Variants in PTPRR observed in about 807,000 individuals in gnomAD.
The protein encoded by PTPRR is protein tyrosine phosphatase receptor type R, also known as receptor-type tyrosine-protein phosphatase R.
In PTPRR, 38 loss-of-function variants were observed where a neutral mutation model predicts 77.2. The ratio of observed to expected loss-of-function variants is 0.49; its 90% CI spans 0.38 to 0.65. The LOEUF is 0.65. PTPRR is among the 30% of genes least tolerant of loss of function. PTPRR has a pLI of 0.00. For missense variants in PTPRR, 744 were observed against 799.2 expected (o/e 0.93, Z 0.83); for synonymous variants, 299 against 283.1 (o/e 1.06, Z -0.57).
Position 70,807,093 on chromosome 12 carries a change from T to C in PTPRR, c.358-42315A>G, listed in dbSNP as rs189179932. On this transcript the variant is annotated intron_variant, in intron 2 of 13. Transcript: ENST00000283228. ...ACATGCAGTAGAAGGGAACTCTTTG[T>C]CTCTTTCCCCTTCCTTCCTTAAACA... Among the ~76,000 whole-genome samples, 324 of 152,330 alleles carry C rather than the reference T, an allele frequency of 2.1e-3. 1 individual carries two copies. The highest frequency in any genetic ancestry group is 6.8e-3 in the Middle Eastern group (2 of 294).
At position 70,721,206 on chromosome 12, in the gene PTPRR, G is replaced by A. The variant is rs114715616; in HGVS notation, c.1008-19883C>T. Among the ~76,000 whole-genome samples, 1,313 of 152,300 alleles carry A rather than the reference G, an allele frequency of 8.6e-3. 14 individuals are homozygous for A. Among genetic ancestry groups the A allele is most frequent in the African/African-American group, 0.03 (1,238 of 41,558 alleles). ...AAGTTCTCCAGTTAGAAATAGGTTA[G>A]AAATATACCGAGGAGTTAGAAATAT... On this transcript the variant is annotated intron_variant, in intron 6 of 13. Coordinates refer to ENST00000283228, the MANE Select transcript of PTPRR (RefSeq NM_002849.4).
At chr12:70,870,794 C>T (rs141039618) in intron 2 of PTPRR, among the ~76,000 whole-genome samples, 1 of 152,314 alleles carries the variant, frequency 6.6e-6, no homozygotes, top group African/African-American at 2.4e-5. Context: ...TCTTCAGGCT[C>T]TGCAAAGATG....
chr12:70,742,267 C>T (rs188523620), intron 6 of PTPRR, among the ~76,000 whole-genome samples: 1 of 152,266 alleles, frequency 6.6e-6, no homozygotes, highest in East Asian at 1.9e-4. Flanking sequence ...TGAGTTTCTA[C>T]CATTTAGGTG....
At chr12:70,907,170 C>G (rs1893635106) in intron 1 of PTPRR, among the ~76,000 whole-genome samples, 1 of 152,140 alleles carries the variant, frequency 6.6e-6, no homozygotes, top group African/African-American at 2.4e-5. Flanking sequence ...CATATTTGAA[C>G]AGTGATGTGT....
At chr12:70,696,062 T>TA (rs1490267642) in intron 8 of PTPRR, among the ~76,000 whole-genome samples, 1 of 152,196 alleles carries the variant, frequency 6.6e-6, no homozygotes, top group Admixed American at 6.5e-5. Flanking sequence ...TGTCAAAAGT[T>TA]AAAAAGACTT....
At chr12:70,650,389 T>C (rs1424812735) in intron 13 of PTPRR, among the ~76,000 whole-genome samples, 1 of 152,012 alleles carries the variant, frequency 6.6e-6, no homozygotes, top group Non-Finnish European at 1.5e-5. Context: ...ATAATGCTAC[T>C]GCACTCCAGC....
intron 6 of PTPRR, among the ~76,000 whole-genome samples, chr12:70,727,113 C>T (rs779573814): frequency 3.9e-5 from 6 of 151,948 alleles, no homozygotes; most frequent in East Asian, 1.9e-4. Context: ...TGTCAGACTT[C>T]GGTATCGTGG....
chr12:70,653,152 G>A (rs1235122487), intron 13 of PTPRR, among the ~76,000 whole-genome samples: 1 of 152,086 alleles, frequency 6.6e-6, no homozygotes, highest in East Asian at 1.9e-4. Context: ...GTCTCAGGTG[G>A]CAGCCTTGTC....
chr12:70,786,836 T>C (rs1377043491), intron 2 of PTPRR, among the ~76,000 whole-genome samples: 2 of 152,198 alleles, frequency 1.3e-5, no homozygotes, highest in Non-Finnish European at 2.9e-5. Context: ...ATAAAAACTC[T>C]ATGATTTAAT....
intron 2 of PTPRR, among the ~76,000 whole-genome samples, chr12:70,773,937 A>G (rs1891035968): frequency 6.6e-6 from 1 of 152,200 alleles, no homozygotes; most frequent in Non-Finnish European, 1.5e-5. Context: ...AGTGATCAGG[A>G]AAGTAGCATT....
chr12:70,788,974 G>C (rs1891377844), intron 2 of PTPRR: 2 of 1,169,080 alleles, frequency 1.7e-6, no homozygotes, highest in African/African-American at 3.2e-5. Flanking sequence ...TAACCGCCTG[G>C]TACTGTTTCT....
chr12:70,784,487 A>T (rs1384463853), intron 2 of PTPRR, among the ~76,000 whole-genome samples: 1 of 152,092 alleles, frequency 6.6e-6, no homozygotes, highest in Non-Finnish European at 1.5e-5. Flanking sequence ...GGGGCTAGCC[A>T]GAGCTCCCCC....
chr12:70,899,576 G>C (rs1893495562), intron 1 of PTPRR, among the ~76,000 whole-genome samples: 1 of 151,380 alleles, frequency 6.6e-6, no homozygotes, highest in Non-Finnish European at 1.5e-5. Context: ...TTCTCAACCT[G>C]ATAAAAGGTA....
rs76502658 is a variant in PTPRR, at chr12:70,726,360, T to C, written c.1007+19458A>G. Among the ~76,000 whole-genome samples the C allele has an allele frequency of 5.3e-3, 807 of 152,230 alleles. 8 individuals carry two copies. The highest frequency in any genetic ancestry group is 0.019 in the African/African-American group (786 of 41,538). Reference sequence around the variant, plus strand: ...GGAGCCAGGCCACCTGTATTCTATATTTATTGCACACCTCTCATGGCCAAT... The same window carrying C: ...GGAGCCAGGCCACCTGTATTCTATACTTATTGCACACCTCTCATGGCCAAT... On this transcript the variant is annotated intron_variant, in intron 6 of 13. Transcript: ENST00000283228.
intron 2 of PTPRR, among the ~76,000 whole-genome samples, chr12:70,880,237 G>T (rs1425956595): frequency 6.6e-6 from 1 of 152,022 alleles, no homozygotes; most frequent in Admixed American, 6.6e-5. Flanking sequence ...ATTCCATAGG[G>T]TGGGTATTAT....
At chr12:70,772,335 A>G (rs1890996346) in intron 2 of PTPRR, among the ~76,000 whole-genome samples, 1 of 152,162 alleles carries the variant, frequency 6.6e-6, no homozygotes, top group South Asian at 2.1e-4. Flanking sequence ...TCTCCTATAG[A>G]GTAGGAACTC....
intron 1 of PTPRR, among the ~76,000 whole-genome samples, chr12:70,909,681 A>G (rs7136524): frequency 6.6e-6 from 1 of 152,184 alleles, no homozygotes; most frequent in African/African-American, 2.4e-5. Flanking sequence ...TGTCTAGTAC[A>G]TATTTCTCTA....
intron 13 of PTPRR, among the ~76,000 whole-genome samples, chr12:70,644,224 T>A (rs947785886): frequency 3.9e-5 from 6 of 152,138 alleles, no homozygotes; most frequent in Non-Finnish European, 7.3e-5. Context: ...ATAAACTCTT[T>A]AAAATTTTAT....
chr12:70,812,015 A>T (rs565226510), intron 2 of PTPRR, among the ~76,000 whole-genome samples: 1 of 152,290 alleles, frequency 6.6e-6, no homozygotes, highest in East Asian at 1.9e-4. Flanking sequence ...TTAATCAAGA[A>T]CTCCTTAAAA....
Sources: gnomAD v4.1 joint callset for allele counts (sites outside exome capture counted in the v4.1 genomes callset) on GRCh38, gnomAD v4.1.1 for gene constraint, MANE v1.5 for transcripts, NCBI Gene and HGNC (gene_info 2026-07-23, HGNC 2026-07-21) for gene names.